The following PCDHGA4 variants were observed in gnomAD, a reference collection of about 807,000 sequenced individuals.
PCDHGA4 encodes protocadherin gamma-A4.
PCDHGA4 carries 38 observed loss-of-function variants against 54.6 expected under a neutral mutation model. The ratio of observed to expected loss-of-function variants is 0.70; its 90% CI spans 0.54 to 0.91. PCDHGA4 has a LOEUF of 0.91. Among genes scored for constraint, PCDHGA4 ranks in the 40% least tolerant of loss-of-function variants. PCDHGA4 has a pLI of 0.00. For missense variants in PCDHGA4, 1,298 were observed against 1,220.9 expected, an observed-to-expected ratio of 1.06 and a Z score of -0.94; for synonymous variants, 511 against 512.9, an observed-to-expected ratio of 1.00 and a Z score of 0.05.
chr5:141,384,090 A>C (rs765649529), intron 1 of PCDHGA4: 1 of 1,596,410 alleles, frequency 6.3e-7, no homozygotes, highest in South Asian at 1.1e-5. Context: ...TAGAAAAATC[A>C]ATAGATAATT....
In PCDHGA4 at chr5:141,489,053, G is replaced by C; in HGVS notation, c.2515-5754G>C. 1 of 473,650 alleles carries C rather than the reference G, an allele frequency of 2.1e-6. No homozygotes were observed. Among genetic ancestry groups the C allele is most frequent in the Non-Finnish European group, 3.7e-6 (1 of 270,732 alleles). The allele number at this position is 473,650 out of a possible 1,614,324, so 29.3% of individuals were successfully genotyped here. A position where few individuals can be genotyped will look rare whatever the true frequency, so the allele number is the denominator to read the frequency against. On this transcript the variant is annotated intron_variant, in intron 1 of 3. Transcript: ENST00000571252. The surrounding 1 kb of genome is among the most constrained non-coding windows in gnomAD (Gnocchi z 4.5). ...AGCTCCCCAGCTCCACTCAAATTCA[G>C]CTCCCCTCCCCCCTGCCCACCCCCG...
At chr5:141,372,515 G>A (rs1768826871) in intron 1 of PCDHGA4, 2 of 1,614,050 alleles carry the variant, frequency 1.2e-6, no homozygotes, top group Admixed American at 1.7e-5. Context: ...TCCTCGCGGT[G>A]ATTCTGGCAA....
rs373048330 is a variant in PCDHGA4 at position 141,384,937 on chromosome 5, C to A, written c.2514+27316C>A. On this transcript the variant is annotated intron_variant, in intron 1 of 3. Coordinates refer to ENST00000571252, the MANE Select transcript of PCDHGA4 (RefSeq NM_018917.4). Reference sequence around the variant, plus strand: ...CTTGGCCGACCTGGGCAGCCTTGAGCCCTCCGACGGTCCTTACAACTATGA... The same window carrying A: ...CTTGGCCGACCTGGGCAGCCTTGAGACCTCCGACGGTCCTTACAACTATGA... The A allele has an allele frequency of 1.6e-4, 255 of 1,614,068 alleles. 1 individual carries two copies. The South Asian group carries it at 2.7e-3, about 17-fold the overall frequency.
chr5:141,408,634 A>C, intron 1 of PCDHGA4: 2 of 1,614,040 alleles, frequency 1.2e-6, no homozygotes, highest in South Asian at 2.2e-5. Flanking sequence ...AAATTTTCGA[A>C]TCTGCATCCG....
chr5:141,399,320 A>T (rs775357251), intron 1 of PCDHGA4: 2 of 1,614,010 alleles, frequency 1.2e-6, no homozygotes, highest in Non-Finnish European at 1.7e-6. Flanking sequence ...AAAAATTCGT[A>T]TAAGTTGGTA....
chr5:141,401,819 G>A (rs2094196222), intron 1 of PCDHGA4, among the ~76,000 whole-genome samples: 3 of 152,280 alleles, frequency 2.0e-5, no homozygotes, highest in Middle Eastern at 3.4e-3. Flanking sequence ...TCCTTACAAA[G>A]TGCTGAGATT....
intron 1 of PCDHGA4, among the ~76,000 whole-genome samples, chr5:141,433,497 C>G (rs2097615154): frequency 6.6e-6 from 1 of 152,076 alleles, no homozygotes; most frequent in Non-Finnish European, 1.5e-5. Flanking sequence ...CCCTCCCAAA[C>G]TGCTGGGATT....
At chr5:141,440,696 A>G (rs2098194818) in intron 1 of PCDHGA4, 1 of 152,210 alleles carries the variant, frequency 6.6e-6, no homozygotes, top group Non-Finnish European at 1.5e-5. Flanking sequence ...AAAGTGACCA[A>G]CAGTGGAAAG....
chr5:141,430,560 G>T (rs1184226832), intron 1 of PCDHGA4: 1 of 420,160 alleles, frequency 2.4e-6, no homozygotes, highest in Non-Finnish European at 4.1e-6. Context: ...ACCAATCGGG[G>T]AGAGAAAAGC....
Position 141,490,876 on chromosome 5 carries a change from G to T in PCDHGA4, c.2515-3931G>T. On this transcript the variant is annotated intron_variant, in intron 1 of 3. Coordinates refer to ENST00000571252, the MANE Select transcript of PCDHGA4 (RefSeq NM_018917.4). The surrounding 1 kb of genome is among the most constrained non-coding windows in gnomAD (Gnocchi z 5.4). Reference sequence around the variant, plus strand: ...AGACTCCGGCTCTCCCCCATTGCATGCCAACACATCTCTGCATGTGTTTGT... The same window carrying T: ...AGACTCCGGCTCTCCCCCATTGCATTCCAACACATCTCTGCATGTGTTTGT... 6.2e-7 allele frequency: 1 copy of T among 1,613,840 alleles called. No homozygotes were observed. The highest frequency in any genetic ancestry group is 8.5e-7 in the Non-Finnish European group (1 of 1,179,894).
intron 1 of PCDHGA4, among the ~76,000 whole-genome samples, chr5:141,386,999 C>T (rs2090777000): frequency 6.6e-6 from 1 of 152,224 alleles, no homozygotes; most frequent in Middle Eastern, 3.4e-3. Context: ...GTATTATCCC[C>T]CTGATAACTT....
At position 141,415,520 on chromosome 5, in the gene PCDHGA4, C is replaced by A. The variant is rs200535016; in HGVS notation, c.2514+57899C>A. The A allele has an allele frequency of 1.8e-4, 288 of 1,614,072 alleles. 3 individuals carry two copies. The highest frequency in any genetic ancestry group is 6.7e-5 in the Non-Finnish European group (79 of 1,180,044). On this transcript the variant is annotated intron_variant, in intron 1 of 3. Coordinates refer to ENST00000571252, the MANE Select transcript of PCDHGA4 (RefSeq NM_018917.4). Reference sequence around the variant, plus strand: ...TTCCCCCAGCCCAATTATGCGGACACGCTCATCAGCCAGGAGAGCTGTGAG... The same window carrying A: ...TTCCCCCAGCCCAATTATGCGGACAAGCTCATCAGCCAGGAGAGCTGTGAG...
chr5:141,490,321 G>C lies in PCDHGA4; in HGVS notation c.2515-4486G>C. On this transcript the variant is annotated intron_variant, in intron 1 of 3. Coordinates refer to ENST00000571252, the MANE Select transcript of PCDHGA4 (RefSeq NM_018917.4). The surrounding 1 kb of genome is among the most constrained non-coding windows in gnomAD (Gnocchi z 5.4). ...GGCCTCTTTGGCCAACCCTGTCCTA[G>C]AGAGCACACCAGTGGGCACAGTAGT... 1.2e-6 allele frequency: 2 copies of C among 1,614,220 alleles called. No homozygotes were observed. The highest frequency in any genetic ancestry group is 1.7e-6 in the Non-Finnish European group (2 of 1,180,044).
intron 1 of PCDHGA4, chr5:141,433,186 G>A (rs753657435): frequency 1.4e-5 from 23 of 1,601,378 alleles, no homozygotes; most frequent in Non-Finnish European, 1.9e-5. Context: ...TAATTGAGGT[G>A]AGTTTATATC....
intron 1 of PCDHGA4, chr5:141,410,614 G>A: frequency 6.2e-7 from 1 of 1,604,858 alleles, no homozygotes; most frequent in South Asian, 1.1e-5. Flanking sequence ...CTGAGACTCT[G>A]ACTTCGGTGA....
intron 2 of PCDHGA4, among the ~76,000 whole-genome samples, chr5:141,501,984 G>A (rs989251578): frequency 2.0e-5 from 3 of 152,042 alleles, no homozygotes; most frequent in African/African-American, 4.8e-5. Context: ...ATCTGGTCCC[G>A]TTGTCTCCCT....
In PCDHGA4 at chr5:141,511,519, C is replaced by G; in HGVS notation, c.*346C>G. 2.7e-6 allele frequency: 1 copy of G among 367,516 alleles called. No homozygotes were observed. Among genetic ancestry groups the G allele is most frequent in the African/African-American group, 2.1e-5 (1 of 48,286 alleles). 22.8% of individuals were successfully genotyped at this position (367,516 alleles called of 1,614,324 possible). A position where few individuals can be genotyped will look rare whatever the true frequency, so the allele number is the denominator to read the frequency against. ...CCAAATCAATCAGGCCCATCCATCC[C>G]ATGCCTCCCTCCTCCCCACCCCACT... On this transcript the variant is annotated 3_prime_UTR_variant, in exon 4 of 4. Coordinates refer to ENST00000571252, the MANE Select transcript of PCDHGA4 (RefSeq NM_018917.4).
intron 1 of PCDHGA4, among the ~76,000 whole-genome samples, chr5:141,368,152 ACC>A (rs1765509493): frequency 2.0e-5 from 3 of 152,192 alleles, no homozygotes; most frequent in Admixed American, 6.5e-5. Flanking sequence ...TACTTTTAAA[ACC>A]TTGAGCATCA....
At chr5:141,426,858 T>C (rs898486771) in intron 1 of PCDHGA4, 1 of 456,574 alleles carries the variant, frequency 2.2e-6, no homozygotes, top group Non-Finnish European at 4.4e-6. Context: ...CGCTCCAGAA[T>C]TAGTGCTGGA....
Sources: gnomAD v4.1 joint callset for allele counts (sites outside exome capture counted in the v4.1 genomes callset) on GRCh38, gnomAD v4.1.1 for gene constraint, Gnocchi (gnomAD v3.1) non-coding constraint, MANE v1.5 for transcripts, NCBI Gene and HGNC (gene_info 2026-07-23, HGNC 2026-07-21) for gene names.